The following PPP1R13L variants were observed in gnomAD, a reference collection of about 807,000 sequenced individuals.
PPP1R13L encodes relA-associated inhibitor.
PPP1R13L carries 50 observed loss-of-function variants against 80.9 expected under a neutral mutation model. The observed-to-expected ratio is 0.62, with a 90% CI of 0.49 to 0.78. The LOEUF (loss-of-function observed/expected upper bound fraction) is 0.78, where lower values mean the gene tolerates loss of function less well. PPP1R13L is among the 30% of genes least tolerant of loss of function. The probability of loss-of-function intolerance (pLI) is 0.00; values close to 1 mark genes in which losing one functional copy is unlikely to be tolerated. For missense variants in PPP1R13L, 1,200 were observed against 1,205.9 expected (o/e 1.00, Z 0.07); for synonymous variants, 602 against 534.3 (o/e 1.13, Z -1.75).
intron 7 of PPP1R13L, among the ~76,000 whole-genome samples, chr19:45,393,921 A>C (rs987530235): frequency 2.0e-5 from 3 of 151,882 alleles, no homozygotes; most frequent in African/African-American, 7.3e-5. Flanking sequence ...TAAACCCCAA[A>C]ACACACACAC....
chr19:45,395,518 C>A lies in PPP1R13L; in HGVS notation c.1272G>T (p.Leu424=). The A allele has an allele frequency of 6.8e-7, 1 of 1,479,754 alleles. No individual in the cohort carries two copies. The highest frequency in any genetic ancestry group is 9.0e-7 in the Non-Finnish European group (1 of 1,108,484). 91.7% of individuals were successfully genotyped at this position (1,479,754 alleles called of 1,614,324 possible). A position where few individuals can be genotyped will look rare whatever the true frequency, so the allele number is the denominator to read the frequency against. The change falls in exon 7 of 13, where the codon CTG becomes CTT. Residue 424 remains leucine (L), a synonymous_variant. Transcript: ENST00000360957. The stretch of plus-strand genomic sequence containing the variant: ...GGGGTTGGGTCTGGGGCTGTGGGGG[C>A]AGCTGGGGCTGTGGTTGTGATTGTG... The part of the protein sequence containing the change: ...PQPQSQPQPQ[L]PPQPQTQPQT...
intron 7 of PPP1R13L, 59 bp from the exon 8 acceptor site, chr19:45,392,399 C>T (rs943617899): frequency 2.0e-6 from 3 of 1,526,432 alleles, no homozygotes; most frequent in African/African-American, 1.4e-5. Context: ...AACACTCCCT[C>T]TCCACAACTT....
At position 45,380,081 on chromosome 19, in the gene PPP1R13L, C is replaced by T. The variant is rs1311413591; in HGVS notation, c.*109G>A. The stretch of plus-strand genomic sequence containing the variant: ...AGAGAACCGGTGGCAAGGACCACCA[C>T]CAGCAGGGTGAGGGGTGCAGATAAA... On this transcript the variant is annotated 3_prime_UTR_variant, in exon 13 of 13. Coordinates refer to ENST00000360957, the MANE Select transcript of PPP1R13L (RefSeq NM_006663.4). 3 of 1,264,254 alleles carry T rather than the reference C, an allele frequency of 2.4e-6. No homozygotes were observed. Among genetic ancestry groups the T allele is most frequent in the Non-Finnish European group, 3.4e-6 (3 of 882,924 alleles). 78.3% of individuals were successfully genotyped at this position (1,264,254 alleles called of 1,614,324 possible).
chr19:45,403,809 C>G (rs1430132151), intron 1 of PPP1R13L, among the ~76,000 whole-genome samples: 1 of 152,112 alleles, frequency 6.6e-6, no homozygotes. Context: ...GCTCGCCTCC[C>G]CCATTCTGTT....
rs373780245 is a variant in PPP1R13L, at chr19:45,385,802, C to G, written c.2081+22G>C. On this transcript the variant is annotated intron_variant, in intron 10 of 12. Coordinates refer to ENST00000360957, the MANE Select transcript of PPP1R13L (RefSeq NM_006663.4). ...GCGTCCGCCCACGGGGGACCCAGCC[C>G]ACCGCGCGGGTCGGGGCTCACCAGC... 8.5e-4 allele frequency: 1,362 copies of G among 1,609,552 alleles called. 17 individuals carry two copies. Among genetic ancestry groups the G allele is most frequent in the Middle Eastern group, 1.6e-4 (1 of 6,068 alleles).
intron 1 of PPP1R13L, among the ~76,000 whole-genome samples, chr19:45,403,187 C>T (rs1196002770): frequency 1.3e-5 from 2 of 152,174 alleles, no homozygotes; most frequent in Non-Finnish European, 1.5e-5. Context: ...TAGAACAATG[C>T]AGTGCGCGAA....
chr19:45,395,353 C>T (rs1012560860), intron 7 of PPP1R13L, 83 bp downstream of exon 7: 9 of 1,535,374 alleles, frequency 5.9e-6, no homozygotes, highest in Non-Finnish European at 7.0e-6. Flanking sequence ...GCTGTGATCT[C>T]CCCACCTCCC....
chr19:45,403,168 A>T (rs1403085127), intron 1 of PPP1R13L, among the ~76,000 whole-genome samples: 1 of 152,184 alleles, frequency 6.6e-6, no homozygotes, highest in Non-Finnish European at 1.5e-5. Context: ...ATAATTTATA[A>T]GCCGTGATTA....
chr19:45,396,448 T>C lies in PPP1R13L; in HGVS notation c.713-12A>G. 6.2e-7 allele frequency: 1 copy of C among 1,613,764 alleles called. No homozygotes were observed. The highest frequency in any genetic ancestry group is 8.5e-7 in the Non-Finnish European group (1 of 1,179,902). On this transcript the variant is annotated splice_polypyrimidine_tract_variant and intron_variant, in intron 4 of 12. Transcript: ENST00000360957. This position sits in a 1 kb window ranked among gnomAD's most constrained non-coding sequence, Gnocchi z 5.3. ...CAGCGTCAGGTCGTCTGGGGAGAAG[T>C]TTCCAGGGAGGATGAGACGGGAGGG...
At chr19:45,399,377 C>A (rs1394136627) in intron 1 of PPP1R13L, among the ~76,000 whole-genome samples, 1 of 150,814 alleles carries the variant, frequency 6.6e-6, no homozygotes, top group Non-Finnish European at 1.5e-5. Context: ...GTAATTCCAG[C>A]ACTTTGGGAG....
chr19:45,386,609 T>C (rs1330803804), intron 8 of PPP1R13L, among the ~76,000 whole-genome samples: 1 of 151,070 alleles, frequency 6.6e-6, no homozygotes, highest in Non-Finnish European at 1.5e-5. Flanking sequence ...TATTATTCCT[T>C]GTATTTTCCT....
Position 45,382,648 on chromosome 19 carries a change from T to C in PPP1R13L, c.2327A>G (p.Glu776Gly), listed in dbSNP as rs1199470063. 1.9e-6 allele frequency: 3 copies of C among 1,613,770 alleles called. No individual in the cohort carries two copies. In the African/African-American group the frequency reaches 4.0e-5, roughly 22 times the overall value. The change falls in exon 12 of 13, where the codon GAG (glutamate) becomes GGG (glycine). Residue 776 changes from glutamate to glycine, a missense_variant. Physicochemically the swap from Glu to Gly is moderately conservative, Grantham distance 98. Around this residue, in one of 5 missense-constraint regions of PPP1R13L, gnomAD observed 165 missense variants for 177.1 expected, o/e 0.93. Coordinates refer to ENST00000360957, the MANE Select transcript of PPP1R13L (RefSeq NM_006663.4). ...CGACTCGCCCTCGCGGAAGGACAGC[T>C]CGTCCCCGAACTCGGCGCTGTAGTC... is the stretch of plus-strand genomic sequence containing the variant. ...LWDYSAEFGD[E>G]LSFREGESVT...
chr19:45,390,577 G>A (rs868311396), intron 8 of PPP1R13L, among the ~76,000 whole-genome samples: 3 of 152,228 alleles, frequency 2.0e-5, no homozygotes, highest in South Asian at 2.1e-4. Flanking sequence ...ACCCCTTAGC[G>A]TTGTAAGCCC....
At chr19:45,383,285 C>A (rs1259721625) in intron 11 of PPP1R13L, among the ~76,000 whole-genome samples, 1 of 133,522 alleles carries the variant, frequency 7.5e-6, no homozygotes, top group Non-Finnish European at 1.6e-5. Flanking sequence ...TGAGCCACCG[C>A]GCCCGGCCTT....
At chr19:45,385,474 C>A in intron 11 of PPP1R13L, 88 bp downstream of exon 11, 1 of 1,394,402 alleles carries the variant, frequency 7.2e-7, no homozygotes, top group Non-Finnish European at 9.6e-7. Context: ...GCCCCCATAC[C>A]CTTCTCTCCC....
chr19:45,405,980 AC>A (rs1408884656), upstream of PPP1R13L, among the ~76,000 whole-genome samples: 1 of 151,692 alleles, frequency 6.6e-6, no homozygotes, highest in African/African-American at 2.4e-5. Flanking sequence ...ATGAGACTAA[AC>A]CCCCGAGGGC....
chr19:45,390,679 G>A lies in PPP1R13L; in HGVS notation c.1815+1201C>T, dbSNP rs560695389. On this transcript the variant is annotated intron_variant, in intron 8 of 12. Transcript: ENST00000360957. ...TAAAAACCTCTTCCTTCTTTAATCC[G>A]GTGTCTGAGGAGTTTTGTCTGTGGC... 6.6e-5 allele frequency among the ~76,000 whole-genome samples: 10 copies of A among 152,176 alleles called. No individual in the cohort carries two copies. In the South Asian group the frequency reaches 1.5e-3, roughly 22 times the overall value.
At chr19:45,390,862 G>A (rs1599768239) in intron 8 of PPP1R13L, among the ~76,000 whole-genome samples, 1 of 152,196 alleles carries the variant, frequency 6.6e-6, no homozygotes, top group African/African-American at 2.4e-5. Flanking sequence ...GGGATTACAG[G>A]CGTGAGCCAC....
intron 1 of PPP1R13L, among the ~76,000 whole-genome samples, chr19:45,399,549 G>A (rs1426080491): frequency 4.0e-5 from 6 of 151,560 alleles, no homozygotes; most frequent in African/African-American, 1.2e-4. Flanking sequence ...GCGTGAACCC[G>A]GGAGGTGGAG....
Sources: gnomAD v4.1 joint callset for allele counts (sites outside exome capture counted in the v4.1 genomes callset) on GRCh38, gnomAD v4.1.1 for gene constraint, gnomAD v4.1.1 regional missense constraint, Gnocchi (gnomAD v3.1) non-coding constraint, MANE v1.5 for transcripts, NCBI Gene and HGNC (gene_info 2026-07-23, HGNC 2026-07-21) for gene names.